INSYN2A: variants seen among roughly 807,000 people sequenced by gnomAD.
INSYN2A encodes family with sequence similarity 196 member A.
INSYN2A carries 17 observed loss-of-function variants against 39.4 expected under a neutral mutation model. The observed-to-expected ratio is 0.43, with a 90% CI of 0.30 to 0.65. The LOEUF (loss-of-function observed/expected upper bound fraction) is 0.65, where lower values mean the gene tolerates loss of function less well. INSYN2A is among the 30% of genes least tolerant of loss of function. The pLI, the probability that INSYN2A is intolerant of heterozygous loss-of-function variation, is 0.14. For synonymous variants in INSYN2A, 255 were observed against 265.7 expected, an observed-to-expected ratio of 0.96 and a Z score of 0.39; for missense variants, 595 against 631.2, an observed-to-expected ratio of 0.94 and a Z score of 0.61.
chr10:127,181,478 C>T (rs560479791), intron 2 of INSYN2A, among the ~76,000 whole-genome samples: 4 of 152,196 alleles, frequency 2.6e-5, no homozygotes, highest in Admixed American at 6.5e-5. Flanking sequence ...CCAGTCTGAC[C>T]GAGACACCTC....
chr10:127,139,289 G>A (rs542172798), intron 5 of INSYN2A, among the ~76,000 whole-genome samples: 1 of 151,990 alleles, frequency 6.6e-6, no homozygotes, highest in East Asian at 1.9e-4. Context: ...TATATTATCT[G>A]GAGTTTTAAA....
At chr10:127,189,133 C>T (rs934528801) in intron 2 of INSYN2A, among the ~76,000 whole-genome samples, 10 of 152,190 alleles carry the variant, frequency 6.6e-5, no homozygotes, top group Non-Finnish European at 1.2e-4. Context: ...CTACGAGACA[C>T]AAGCTTGAGA....
In INSYN2A at chr10:127,169,254, C is replaced by T. The variant is rs138121647; in HGVS notation, c.1184+5958G>A. 5.0e-3 allele frequency among the ~76,000 whole-genome samples: 761 copies of T among 152,224 alleles called. 26 individuals are homozygous for T. Among genetic ancestry groups the T allele is most frequent in the Admixed American group, 0.042 (638 of 15,292 alleles). On this transcript the variant is annotated intron_variant, in intron 4 of 5. Transcript: ENST00000522781. ...TTGTATGGGCTGATGAACAATTAAG[C>T]GTATATTTGAACAGCCTGAATGCCG...
chr10:127,145,874 T>G, intron 5 of INSYN2A: 1 of 404,746 alleles, frequency 2.5e-6, no homozygotes, highest in South Asian at 1.9e-5. Flanking sequence ...GTGTGTCATC[T>G]GGTGTCACCA....
rs564422557 is a variant in INSYN2A, at chr10:127,185,149, TA to T, written c.-269+7455del. ...TTGCTTTGTGTCGGTTTTCTCTCCT[TA>T]ACACAAATATAAGTGTTCTGTGGAG... On this transcript the variant is annotated intron_variant, in intron 2 of 5. Transcript: ENST00000522781. Among the ~76,000 whole-genome samples, 770 of 152,306 alleles carry T rather than the reference TA, an allele frequency of 5.1e-3. 8 individuals carry two copies. The highest frequency in any genetic ancestry group is 0.018 in the African/African-American group (735 of 41,572).
At chr10:127,171,586 C>T (rs1299191916) in intron 4 of INSYN2A, among the ~76,000 whole-genome samples, 2 of 152,166 alleles carry the variant, frequency 1.3e-5, no homozygotes, top group South Asian at 2.1e-4. Context: ...TTGGAAGCCC[C>T]TGTATGCTTT....
chr10:127,179,776 T>C (rs951566233), intron 2 of INSYN2A, among the ~76,000 whole-genome samples: 3 of 151,864 alleles, frequency 2.0e-5, no homozygotes, highest in African/African-American at 7.2e-5. Context: ...CATTCCTTCA[T>C]GCATTTATTC....
chr10:127,140,020 A>G (rs1206235714), intron 5 of INSYN2A, among the ~76,000 whole-genome samples: 3 of 152,208 alleles, frequency 2.0e-5, no homozygotes, highest in African/African-American at 7.2e-5. Flanking sequence ...TATGTTAGGT[A>G]TAGAAGCGTA....
Position 127,137,721 on chromosome 10 carries a change from T to A in INSYN2A, c.*116A>T, listed in dbSNP as rs1005586108. 1.1e-6 allele frequency: 1 copy of A among 926,588 alleles called. No individual in the cohort carries two copies. Among genetic ancestry groups the A allele is most frequent in the African/African-American group, 1.7e-5 (1 of 60,494 alleles). The allele number at this position is 926,588 out of a possible 1,614,324, so 57.4% of individuals were successfully genotyped here. Reference sequence around the variant, plus strand: ...CCTTTTTGGTACGCAGGGCGAGAAGTGGGAGGTGCCTGAATGGGCACCACA... The same window carrying A: ...CCTTTTTGGTACGCAGGGCGAGAAGAGGGAGGTGCCTGAATGGGCACCACA... On this transcript the variant is annotated 3_prime_UTR_variant, in exon 6 of 6. Transcript: ENST00000522781.
chr10:127,163,422 G>A (rs2053768090), intron 4 of INSYN2A, among the ~76,000 whole-genome samples: 1 of 152,088 alleles, frequency 6.6e-6, no homozygotes, highest in African/African-American at 2.4e-5. Flanking sequence ...CACAATGTGG[G>A]CAGAGGTTTT....
intron 2 of INSYN2A, among the ~76,000 whole-genome samples, chr10:127,186,010 G>A (rs77134740): frequency 1.3e-5 from 2 of 152,134 alleles, no homozygotes; most frequent in Non-Finnish European, 2.9e-5. Context: ...AATAAATTGA[G>A]TTTAATTAAA....
At position 127,175,879 on chromosome 10, in the gene INSYN2A, A is replaced by C. The variant is rs770306176; in HGVS notation, c.517T>G (p.Leu173Val). ...GAGRVHKTTA[L>V]VFHSNQHMNT... ...ATGTGTTGGTTGGAATGGAAAACCA[A>C]GGCTGTGGTCTTGTGCACCCGCCCC... The change falls in exon 4 of 6, where the codon TTG (leucine) becomes GTG (valine). Residue 173 changes from leucine to valine, a missense_variant. This residue lies in a region of INSYN2A where 478 missense variants were observed against 467.4 expected (regional missense o/e 1.02). Coordinates refer to ENST00000522781, the MANE Select transcript of INSYN2A (RefSeq NM_001039762.3). The surrounding 1 kb of genome is among the most constrained non-coding windows in gnomAD (Gnocchi z 6.3). 2.5e-6 allele frequency: 4 copies of C among 1,614,194 alleles called. No homozygotes were observed. In the Admixed American group the frequency reaches 6.7e-5, roughly 27 times the overall value.
intron 5 of INSYN2A, among the ~76,000 whole-genome samples, chr10:127,153,462 T>A (rs1240736307): frequency 6.6e-6 from 1 of 152,168 alleles, no homozygotes; most frequent in African/African-American, 2.4e-5. Flanking sequence ...GCAGCCCAGG[T>A]CTTTCCATGG....
intron 4 of INSYN2A, among the ~76,000 whole-genome samples, chr10:127,155,552 A>G (rs879317086): frequency 2.0e-5 from 3 of 151,938 alleles, no homozygotes; most frequent in Non-Finnish European, 4.4e-5. Flanking sequence ...AGAGAGGGGG[A>G]TGAACAGCCT....
chr10:127,146,150 TC>T (rs762058709), intron 5 of INSYN2A: 22 of 451,372 alleles, frequency 4.9e-5, no homozygotes, highest in Non-Finnish European at 9.6e-5. Flanking sequence ...GACAGCGTAG[TC>T]CCCTCATGCT....
At chr10:127,147,463 C>T (rs1215388457) in intron 5 of INSYN2A, among the ~76,000 whole-genome samples, 1 of 152,158 alleles carries the variant, frequency 6.6e-6, no homozygotes, top group Non-Finnish European at 1.5e-5. Context: ...ACCTCCTCCT[C>T]GCCTGCCTTT....
chr10:127,151,996 T>C (rs1184751472), intron 5 of INSYN2A, among the ~76,000 whole-genome samples: 1 of 117,256 alleles, frequency 8.5e-6, no homozygotes. Flanking sequence ...TTCAGTTAGG[T>C]TAAACAGTGT....
chr10:127,194,756 G>T (rs2056984350), intron 1 of INSYN2A, among the ~76,000 whole-genome samples: 1 of 152,184 alleles, frequency 6.6e-6, no homozygotes, highest in South Asian at 2.1e-4. Context: ...TCTACCCTGT[G>T]CTATCCTGAG....
chr10:127,149,421 A>G (rs142390571), intron 5 of INSYN2A, among the ~76,000 whole-genome samples: 161 of 152,280 alleles, frequency 1.1e-3, no homozygotes, highest in African/African-American at 3.6e-3. Context: ...CTAGTCCTCT[A>G]TATTTCCATG....
Sources: gnomAD v4.1 joint callset for allele counts (sites outside exome capture counted in the v4.1 genomes callset) on GRCh38, gnomAD v4.1.1 for gene constraint, gnomAD v4.1.1 regional missense constraint, Gnocchi (gnomAD v3.1) non-coding constraint, MANE v1.5 for transcripts, NCBI Gene and HGNC (gene_info 2026-07-23, HGNC 2026-07-21) for gene names.